GALNTL6: variants seen among roughly 807,000 people sequenced by gnomAD.
The protein encoded by GALNTL6 is polypeptide N-acetylgalactosaminyltransferase like 6, also known as polypeptide N-acetylgalactosaminyltransferase-like 6.
In GALNTL6, 46 loss-of-function variants were observed where a neutral mutation model predicts 73.7. The ratio of observed to expected loss-of-function variants is 0.62; its 90% confidence interval spans 0.49 to 0.80. The LOEUF (loss-of-function observed/expected upper bound fraction) is 0.80, where lower values mean the gene tolerates loss of function less well. Among genes scored for constraint, GALNTL6 ranks in the 30% least tolerant of loss-of-function variants. GALNTL6 has a pLI of 0.00. For synonymous variants in GALNTL6, 259 were observed against 263.7 expected, an observed-to-expected ratio of 0.98 and a Z score of 0.17; for missense variants, 604 against 755.0, an observed-to-expected ratio of 0.80 and a Z score of 2.34.
At chr4:172,701,027 A>G (rs1318434104) in intron 5 of GALNTL6, among the ~76,000 whole-genome samples, 1 of 152,164 alleles carries the variant, frequency 6.6e-6, no homozygotes, top group African/African-American at 2.4e-5. Context: ...CCTGAGAAGT[A>G]GAAATTTAGC....
intron 2 of GALNTL6, among the ~76,000 whole-genome samples, chr4:172,018,305 C>A (rs1741273399): frequency 6.6e-6 from 1 of 152,004 alleles, no homozygotes; most frequent in Non-Finnish European, 1.5e-5. Context: ...GTTTGGCAAC[C>A]AGAGTGGATA....
intron 5 of GALNTL6, among the ~76,000 whole-genome samples, chr4:172,553,188 C>G (rs1221442258): frequency 1.3e-5 from 2 of 152,116 alleles, no homozygotes; most frequent in African/African-American, 2.4e-5. Flanking sequence ...ATGATTCAAA[C>G]CCAATATTTA....
intron 2 of GALNTL6, among the ~76,000 whole-genome samples, chr4:172,196,887 G>A (rs1446766425): frequency 6.6e-6 from 1 of 152,154 alleles, no homozygotes; most frequent in Non-Finnish European, 1.5e-5. Flanking sequence ...GCAGATTTCA[G>A]AATGCCCTCT....
intron 5 of GALNTL6, among the ~76,000 whole-genome samples, chr4:172,731,162 GA>G (rs1736129279): frequency 6.6e-6 from 1 of 151,970 alleles, no homozygotes; most frequent in Admixed American, 6.6e-5. Context: ...ATTCAACAGG[GA>G]ATCCATCAGA....
At chr4:172,677,888 C>G (rs1383740592) in intron 5 of GALNTL6, among the ~76,000 whole-genome samples, 1 of 151,922 alleles carries the variant, frequency 6.6e-6, no homozygotes, top group African/African-American at 2.4e-5. Context: ...AAAAAAATTC[C>G]GAAGCAGAGA....
chr4:172,609,875 G>A (rs549144013), intron 5 of GALNTL6, among the ~76,000 whole-genome samples: 1 of 151,706 alleles, frequency 6.6e-6, no homozygotes, highest in South Asian at 2.1e-4. Context: ...TTTGCAGCTT[G>A]TTATTGGTCT....
chr4:172,428,643 C>A (rs1731314017), intron 5 of GALNTL6, among the ~76,000 whole-genome samples: 1 of 152,146 alleles, frequency 6.6e-6, no homozygotes, highest in African/African-American at 2.4e-5. Context: ...ACACTTAAGT[C>A]ATTTTATGTC....
chr4:172,757,827 T>C (rs1737838866), intron 5 of GALNTL6, among the ~76,000 whole-genome samples: 1 of 152,220 alleles, frequency 6.6e-6, no homozygotes, highest in South Asian at 2.1e-4. Flanking sequence ...TTTCTGTTTA[T>C]CTTGTCATTG....
chr4:171,943,125 T>C (rs1738599791), intron 2 of GALNTL6, among the ~76,000 whole-genome samples: 1 of 152,198 alleles, frequency 6.6e-6, no homozygotes, highest in Non-Finnish European at 1.5e-5. Context: ...TTCCCTCCCA[T>C]CAAACAAACA....
At chr4:172,147,260 A>G (rs1733951000) in intron 2 of GALNTL6, among the ~76,000 whole-genome samples, 1 of 152,232 alleles carries the variant, frequency 6.6e-6, no homozygotes, top group Admixed American at 6.5e-5. Context: ...GTTTCTAAAC[A>G]TGAATATTTT....
chr4:172,351,181 G>GTCTA (rs56948823), intron 5 of GALNTL6, among the ~76,000 whole-genome samples: 42 of 122,600 alleles, frequency 3.4e-4, no homozygotes, highest in African/African-American at 1.1e-3. Flanking sequence ...ACAATAATCT[G>GTCTA]TCTATCTATC....
chr4:172,918,081 A>C (rs537187955), intron 8 of GALNTL6, among the ~76,000 whole-genome samples: 1 of 151,554 alleles, frequency 6.6e-6, no homozygotes, highest in Non-Finnish European at 1.5e-5. Flanking sequence ...AAAAAGGATG[A>C]GTTTGTAGGG....
At chr4:172,909,153 C>T (rs1361732324) in intron 8 of GALNTL6, among the ~76,000 whole-genome samples, 1 of 151,162 alleles carries the variant, frequency 6.6e-6, no homozygotes, top group Admixed American at 6.6e-5. Flanking sequence ...GAACAACTAC[C>T]CATTTTGAAG....
chr4:171,857,587 A>G (rs766324215), intron 2 of GALNTL6, among the ~76,000 whole-genome samples: 1 of 152,326 alleles, frequency 6.6e-6, no homozygotes, highest in South Asian at 2.1e-4. Flanking sequence ...TCTGGAACAT[A>G]GTTGATTCAT....
At chr4:171,988,525 C>T (rs1195388771) in intron 2 of GALNTL6, among the ~76,000 whole-genome samples, 3 of 152,084 alleles carry the variant, frequency 2.0e-5, no homozygotes, top group Non-Finnish European at 2.9e-5. Flanking sequence ...AGATCTAGAA[C>T]AGAATAGTGG....
chr4:172,964,375 T>C (rs985105243), intron 10 of GALNTL6, among the ~76,000 whole-genome samples: 1 of 152,232 alleles, frequency 6.6e-6, no homozygotes, highest in Admixed American at 6.5e-5. Flanking sequence ...AAACGTGTCT[T>C]TTCCAACCAG....
chr4:172,472,863 A>G (rs1293493738), intron 5 of GALNTL6, among the ~76,000 whole-genome samples: 1 of 152,162 alleles, frequency 6.6e-6, no homozygotes, highest in Non-Finnish European at 1.5e-5. Flanking sequence ...CTGTAAAAGA[A>G]TAAGTTTTTT....
At chr4:172,475,944 CA>C (rs1163388936) in intron 5 of GALNTL6, among the ~76,000 whole-genome samples, 1 of 152,166 alleles carries the variant, frequency 6.6e-6, no homozygotes, top group Non-Finnish European at 1.5e-5. Flanking sequence ...TTGCCTTTTG[CA>C]GCATTTACTT....
intron 7 of GALNTL6, among the ~76,000 whole-genome samples, chr4:172,834,291 C>G (rs1352490734): frequency 3.9e-5 from 6 of 152,118 alleles, no homozygotes; most frequent in Non-Finnish European, 7.4e-5. Flanking sequence ...CATGAGAGCC[C>G]CACATGGCCC....
Sources: allele counts gnomAD v4.1 joint callset (sites outside exome capture counted in the v4.1 genomes callset), GRCh38; gene constraint gnomAD v4.1.1; transcripts MANE v1.5; gene names NCBI Gene and HGNC (gene_info 2026-07-23, HGNC 2026-07-21).